Variants in ASTN2 observed in about 807,000 individuals in gnomAD.
The protein encoded by ASTN2 is astrotactin-2.
ASTN2 carries 54 observed loss-of-function variants against 139.8 expected under a neutral mutation model. That is an observed-to-expected ratio of 0.39 (90% CI 0.31 to 0.48). The LOEUF (loss-of-function observed/expected upper bound fraction) is 0.48. Among genes scored for constraint, ASTN2 ranks in the 20% least tolerant of loss-of-function variants. ASTN2 has a pLI of 0.95. For synonymous variants in ASTN2, 756 were observed against 719.5 expected (o/e 1.05, Z -0.81); for missense variants, 1,565 against 1,725.1 (o/e 0.91, Z 1.64).
chr9:117,310,927 A>G (rs1827955760), intron 1 of ASTN2, among the ~76,000 whole-genome samples: 1 of 152,144 alleles, frequency 6.6e-6, no homozygotes, highest in Admixed American at 6.5e-5. Context: ...CCATTTGGAC[A>G]TGTTCTATCC....
intron 10 of ASTN2, among the ~76,000 whole-genome samples, chr9:116,884,062 G>T (rs892315301): frequency 2.6e-5 from 4 of 152,198 alleles, no homozygotes; most frequent in African/African-American, 9.6e-5. Context: ...ACCCAGGAGA[G>T]CATGAGGCAA....
At chr9:117,046,283 G>A (rs977804167) in intron 5 of ASTN2, among the ~76,000 whole-genome samples, 1 of 152,112 alleles carries the variant, frequency 6.6e-6, no homozygotes, top group African/African-American at 2.4e-5. Flanking sequence ...TTATAGGCAT[G>A]AGCCACCGTG....
chr9:117,263,566 C>T (rs1303629639), intron 2 of ASTN2, among the ~76,000 whole-genome samples: 1 of 152,316 alleles, frequency 6.6e-6, no homozygotes, highest in African/African-American at 2.4e-5. Flanking sequence ...TTGATTCTTA[C>T]GTCCTGAGGC....
At chr9:117,273,690 T>C (rs936533171) in intron 2 of ASTN2, among the ~76,000 whole-genome samples, 1 of 152,190 alleles carries the variant, frequency 6.6e-6, no homozygotes, top group Non-Finnish European at 1.5e-5. Flanking sequence ...TGCTCTAATA[T>C]ATACCCTTTC....
chr9:116,937,697 A>G (rs1835118077), intron 10 of ASTN2, among the ~76,000 whole-genome samples: 2 of 152,186 alleles, frequency 1.3e-5, no homozygotes, highest in South Asian at 4.1e-4. Context: ...GGACAAGAAA[A>G]CATTGCAAAA....
intron 6 of ASTN2, among the ~76,000 whole-genome samples, chr9:117,025,985 G>A (rs1038576952): frequency 5.9e-5 from 9 of 151,798 alleles, no homozygotes; most frequent in East Asian, 1.9e-4. Flanking sequence ...GGCTGGTCTC[G>A]AACTCCTGAC....
chr9:116,888,365 T>C (rs1038800492), intron 10 of ASTN2, among the ~76,000 whole-genome samples: 2 of 152,230 alleles, frequency 1.3e-5, no homozygotes, highest in African/African-American at 4.8e-5. Context: ...GACAACATAT[T>C]GTTTTCTGGT....
intron 16 of ASTN2, among the ~76,000 whole-genome samples, chr9:116,708,478 A>G (rs953587200): frequency 6.6e-6 from 1 of 152,208 alleles, no homozygotes; most frequent in Non-Finnish European, 1.5e-5. Context: ...AGGTCTTCAC[A>G]CAGCCTGCAG....
chr9:117,274,264 C>A (rs113904746), intron 2 of ASTN2, among the ~76,000 whole-genome samples: 1 of 152,134 alleles, frequency 6.6e-6, no homozygotes, highest in East Asian at 1.9e-4. Flanking sequence ...GCAGGAGAAT[C>A]GCCTGACTCT....
chr9:117,404,988 G>A (rs1269730361), intron 1 of ASTN2, among the ~76,000 whole-genome samples: 2 of 152,142 alleles, frequency 1.3e-5, no homozygotes, highest in South Asian at 2.1e-4. Flanking sequence ...AGTAACAAGA[G>A]GCATCTGGAG....
At chr9:116,741,597 C>CT (rs1829097942) in intron 13 of ASTN2, among the ~76,000 whole-genome samples, 1 of 152,320 alleles carries the variant, frequency 6.6e-6, no homozygotes, top group Non-Finnish European at 1.5e-5. Flanking sequence ...CATCTTGGCT[C>CT]TGTCACTGGC....
At chr9:117,045,995 T>C (rs199953622) in intron 5 of ASTN2, among the ~76,000 whole-genome samples, 13,403 of 105,586 alleles carry the variant, frequency 0.13, 880 homozygotes, top group Middle Eastern at 0.2. Flanking sequence ...TACGTACGTA[T>C]GTATGTATGT....
At chr9:117,411,254 A>G (rs1831151859) in intron 1 of ASTN2, among the ~76,000 whole-genome samples, 2 of 152,168 alleles carry the variant, frequency 1.3e-5, no homozygotes, top group Non-Finnish European at 1.5e-5. Flanking sequence ...GGATTCAATA[A>G]CTATTTGCTA....
chr9:117,037,661 C>G (rs1838426658), intron 6 of ASTN2, among the ~76,000 whole-genome samples: 2 of 152,188 alleles, frequency 1.3e-5, no homozygotes, highest in Admixed American at 1.3e-4. Flanking sequence ...ATATGTAAAA[C>G]TTGAAAGCCT....
chr9:117,231,501 T>A (rs528885581), intron 2 of ASTN2, among the ~76,000 whole-genome samples: 6 of 152,342 alleles, frequency 3.9e-5, no homozygotes, highest in Middle Eastern at 3.4e-3. Flanking sequence ...CAAATCTATC[T>A]GATATAATTG....
intron 10 of ASTN2, among the ~76,000 whole-genome samples, chr9:116,918,345 C>T (rs1834510829): frequency 6.6e-6 from 1 of 152,066 alleles, no homozygotes; most frequent in Non-Finnish European, 1.5e-5. Flanking sequence ...CAGGGGGCAG[C>T]CTCATAGACA....
chr9:116,907,944 C>G lies in ASTN2; in HGVS notation c.1890-44211G>C, dbSNP rs143796075. On this transcript the variant is annotated intron_variant, in intron 10 of 22. Transcript: ENST00000313400. The stretch of plus-strand genomic sequence containing the variant: ...AGGCATCGTTTGGAGGCAACCACAC[C>G]CAACAGTAAGACTAGGTCAGCTCTC... Among the ~76,000 whole-genome samples, 19 of 152,130 alleles carry G rather than the reference C, an allele frequency of 1.2e-4. No individual in the cohort carries two copies. The East Asian group carries it at 3.7e-3, about 29-fold the overall frequency.
chr9:116,696,825 G>A lies in ASTN2; in HGVS notation c.2806+28946C>T, dbSNP rs12685304. 3.6e-3 allele frequency among the ~76,000 whole-genome samples: 542 copies of A among 151,892 alleles called. 25 individuals carry two copies. The East Asian group carries it at 0.096, about 27-fold the overall frequency. The stretch of plus-strand genomic sequence containing the variant: ...GGTGAGTAAGTAGGAGGATAGATGC[G>A]TGGAAAATGTGTATTTTCTGATCTG... On this transcript the variant is annotated intron_variant, in intron 16 of 22. Transcript: ENST00000313400.
At chr9:117,338,033 AGG>A (rs1828940799) in intron 1 of ASTN2, among the ~76,000 whole-genome samples, 4 of 152,230 alleles carry the variant, frequency 2.6e-5, no homozygotes, top group Admixed American at 2.6e-4. Flanking sequence ...ATAAAAAATA[AGG>A]AATCGATGAT....
Sources: gnomAD v4.1 joint callset for allele counts (sites outside exome capture counted in the v4.1 genomes callset) on GRCh38, gnomAD v4.1.1 for gene constraint, MANE v1.5 for transcripts, NCBI Gene and HGNC (gene_info 2026-07-23, HGNC 2026-07-21) for gene names.